Variants in CCSER1 observed in about 807,000 individuals in gnomAD.
The protein encoded by CCSER1 is serine-rich coiled-coil domain-containing protein 1.
In CCSER1, 41 loss-of-function variants were observed where a neutral mutation model predicts 82.0. That is an observed-to-expected ratio of 0.50 (90% CI 0.39 to 0.65). The LOEUF (loss-of-function observed/expected upper bound fraction) is 0.65, where lower values mean the gene tolerates loss of function less well. Ranked by LOEUF, CCSER1 falls within the 30% of genes least tolerant of loss-of-function variation. The pLI is 0.00. For missense variants in CCSER1, 1,119 were observed against 1,064.2 expected, an observed-to-expected ratio of 1.05 and a Z score of -0.72; for synonymous variants, 414 against 383.9, an observed-to-expected ratio of 1.08 and a Z score of -0.92.
At chr4:90,411,841 T>G (rs1260208336) in intron 4 of CCSER1, among the ~76,000 whole-genome samples, 1 of 152,158 alleles carries the variant, frequency 6.6e-6, no homozygotes, top group Non-Finnish European at 1.5e-5. Context: ...TGTCCCTGTT[T>G]GCAGATAACA....
intron 10 of CCSER1, among the ~76,000 whole-genome samples, chr4:91,292,603 A>G (rs2149221057): frequency 6.6e-6 from 1 of 152,104 alleles, no homozygotes; most frequent in East Asian, 1.9e-4. Context: ...TTTGCTTCTT[A>G]AAGAACAAGC....
At chr4:91,539,125 T>A (rs912000851) in intron 10 of CCSER1, among the ~76,000 whole-genome samples, 12 of 152,118 alleles carry the variant, frequency 7.9e-5, no homozygotes, top group African/African-American at 2.9e-4. Context: ...TTTTCACTTC[T>A]TTATCTCTAG....
intron 7 of CCSER1, among the ~76,000 whole-genome samples, chr4:90,771,199 G>A (rs1322489748): frequency 1.3e-5 from 2 of 151,822 alleles, no homozygotes; most frequent in Non-Finnish European, 2.9e-5. Flanking sequence ...ACCTTCTGTG[G>A]CTTTTATCTT....
At chr4:91,091,290 T>A (rs1313641891) in intron 10 of CCSER1, among the ~76,000 whole-genome samples, 2 of 152,148 alleles carry the variant, frequency 1.3e-5, no homozygotes, top group African/African-American at 4.8e-5. Flanking sequence ...TTTCAAAAAC[T>A]ATGGAAATGG....
chr4:90,472,936 A>G (rs1764589905), intron 5 of CCSER1, among the ~76,000 whole-genome samples: 2 of 152,160 alleles, frequency 1.3e-5, no homozygotes, highest in Admixed American at 6.5e-5. Flanking sequence ...TCCTAAGTGA[A>G]ATAACTCAGA....
chr4:90,202,201 ACT>A (rs1737839736), intron 1 of CCSER1, among the ~76,000 whole-genome samples: 2 of 110,128 alleles, frequency 1.8e-5, no homozygotes, highest in Non-Finnish European at 3.3e-5. Context: ...TGTAAGTAAA[ACT>A]TTTTTTTTTT....
chr4:90,641,797 A>G (rs1267223617), intron 6 of CCSER1: 1 of 189,024 alleles, frequency 5.3e-6, no homozygotes, highest in Non-Finnish European at 1.1e-5. Context: ...CTTATAAGAA[A>G]ACGAACTGCA....
At chr4:90,859,482 G>A (rs1764823839) in intron 8 of CCSER1, among the ~76,000 whole-genome samples, 1 of 151,630 alleles carries the variant, frequency 6.6e-6, no homozygotes, top group African/African-American at 2.4e-5. Flanking sequence ...AAGGAATTCT[G>A]GCTTATGTAA....
intron 4 of CCSER1, among the ~76,000 whole-genome samples, chr4:90,404,510 G>A (rs1753416201): frequency 6.6e-6 from 1 of 152,206 alleles, no homozygotes; most frequent in Non-Finnish European, 1.5e-5. Context: ...TAGAACTGCA[G>A]CTGATGCCTT....
chr4:91,282,934 T>G (rs1052247692), intron 10 of CCSER1, among the ~76,000 whole-genome samples: 2 of 152,060 alleles, frequency 1.3e-5, no homozygotes, highest in African/African-American at 4.8e-5. Context: ...AGAAAATAAA[T>G]GAGATCATAC....
intron 10 of CCSER1, among the ~76,000 whole-genome samples, chr4:91,140,374 T>A (rs940514862): frequency 3.3e-5 from 5 of 152,000 alleles, no homozygotes; most frequent in Non-Finnish European, 7.4e-5. Flanking sequence ...TGCTTAATAA[T>A]AGTCCTTTAA....
intron 10 of CCSER1, among the ~76,000 whole-genome samples, chr4:91,367,420 T>C (rs1038133192): frequency 4.5e-5 from 6 of 132,148 alleles, no homozygotes; most frequent in Non-Finnish European, 8.0e-5. Context: ...AGGAAGGGCT[T>C]TCTTGATTTC....
intron 10 of CCSER1, among the ~76,000 whole-genome samples, chr4:91,597,374 C>T (rs1764634008): frequency 6.6e-6 from 1 of 151,904 alleles, no homozygotes; most frequent in African/African-American, 2.4e-5. Context: ...ATGTGCCAGG[C>T]AATTGTGTCA....
At chr4:90,552,723 C>T (rs549219945) in intron 5 of CCSER1, among the ~76,000 whole-genome samples, 1 of 152,282 alleles carries the variant, frequency 6.6e-6, no homozygotes, top group East Asian at 1.9e-4. Flanking sequence ...TCCCAAAGTG[C>T]TGGGATTATA....
At chr4:91,534,956 T>C (rs1761222258) in intron 10 of CCSER1, among the ~76,000 whole-genome samples, 1 of 151,844 alleles carries the variant, frequency 6.6e-6, no homozygotes, top group Non-Finnish European at 1.5e-5. Context: ...AATCACATTT[T>C]CTTCAGATAA....
intron 5 of CCSER1, among the ~76,000 whole-genome samples, chr4:90,601,773 A>T (rs1784070554): frequency 6.6e-6 from 1 of 151,996 alleles, no homozygotes; most frequent in African/African-American, 2.4e-5. Flanking sequence ...AATTTGGTAT[A>T]AAATACTTTT....
chr4:90,757,839 T>A (rs1245850328), intron 7 of CCSER1, among the ~76,000 whole-genome samples: 1 of 152,136 alleles, frequency 6.6e-6, no homozygotes, highest in Non-Finnish European at 1.5e-5. Flanking sequence ...TACATTTAAA[T>A]GTGATTTAAT....
At chr4:91,147,241 A>C (rs1313344461) in intron 10 of CCSER1, among the ~76,000 whole-genome samples, 1 of 152,164 alleles carries the variant, frequency 6.6e-6, no homozygotes, top group Non-Finnish European at 1.5e-5. Context: ...TGGCACTAAC[A>C]GCCTGGTATT....
chr4:90,467,245 G>A (rs889471434), intron 4 of CCSER1, among the ~76,000 whole-genome samples: 1 of 152,050 alleles, frequency 6.6e-6, no homozygotes, highest in African/African-American at 2.4e-5. Flanking sequence ...AATTAGCTTG[G>A]CATGATAGTG....
Sources: gnomAD v4.1 joint callset for allele counts (sites outside exome capture counted in the v4.1 genomes callset) on GRCh38, gnomAD v4.1.1 for gene constraint, MANE v1.5 for transcripts, NCBI Gene and HGNC (gene_info 2026-07-23, HGNC 2026-07-21) for gene names.